The following C12orf56 variants were observed in gnomAD, a reference collection of about 807,000 sequenced individuals.
The protein encoded by C12orf56 is uncharacterized protein C12orf56.
Under a neutral mutation model 69.9 loss-of-function variants are expected in C12orf56, and 71 were observed. The ratio of observed to expected loss-of-function variants is 1.02; its 90% CI spans 0.84 to 1.24. The LOEUF is 1.24. Ranked by LOEUF, C12orf56 falls within the 50% of genes most tolerant of loss-of-function variation. The pLI is 0.00. For synonymous variants in C12orf56, 276 were observed against 274.1 expected (o/e 1.01, Z -0.07); for missense variants, 732 against 738.5 (o/e 0.99, Z 0.10).
At position 64,308,371 on chromosome 12, in the gene C12orf56, A is replaced by T. The variant is rs190978168; in HGVS notation, c.968+4308T>A. 2.0e-5 allele frequency among the ~76,000 whole-genome samples: 3 copies of T among 152,236 alleles called. No homozygotes were observed. In the East Asian group the frequency reaches 5.8e-4, roughly 29 times the overall value. ...CATAAATACATAAATAAAACATAAA[A>T]ATGTTTTCTTAGTTTTGGTTTGTTA... On this transcript the variant is annotated intron_variant, in intron 5 of 12. Coordinates refer to ENST00000543942, the MANE Select transcript of C12orf56 (RefSeq NM_001170633.2).
At chr12:64,316,633 G>GA (rs944201443) in intron 4 of C12orf56, among the ~76,000 whole-genome samples, 32 of 150,988 alleles carry the variant, frequency 2.1e-4, no homozygotes, top group Middle Eastern at 3.4e-3. Context: ...AATGGTCATA[G>GA]AAAAAAAAAT....
intron 2 of C12orf56, among the ~76,000 whole-genome samples, chr12:64,331,295 G>A (rs1457820809): frequency 6.6e-6 from 1 of 152,094 alleles, no homozygotes; most frequent in Non-Finnish European, 1.5e-5. Context: ...GAGCTCACAA[G>A]TTCAAGACGA....
chr12:64,354,631 G>A (rs1189015816), intron 1 of C12orf56, among the ~76,000 whole-genome samples: 2 of 151,596 alleles, frequency 1.3e-5, no homozygotes, highest in Admixed American at 6.6e-5. Flanking sequence ...CTAATTTTTT[G>A]TATTTTTCGT....
intron 4 of C12orf56, among the ~76,000 whole-genome samples, chr12:64,316,547 G>T (rs549219686): frequency 6.6e-6 from 1 of 152,110 alleles, no homozygotes; most frequent in East Asian, 1.9e-4. Context: ...CACCACACCT[G>T]GCTAAGAGAA....
intron 6 of C12orf56, among the ~76,000 whole-genome samples, chr12:64,301,427 A>G (rs886755849): frequency 3.3e-5 from 5 of 152,158 alleles, no homozygotes; most frequent in African/African-American, 1.2e-4. Context: ...GGCAGTCTGA[A>G]GGAACTCCCC....
chr12:64,329,367 C>G (rs1407336899), intron 3 of C12orf56, among the ~76,000 whole-genome samples: 3 of 152,064 alleles, frequency 2.0e-5, no homozygotes, highest in Non-Finnish European at 2.9e-5. Context: ...TTCCATCCGT[C>G]CCTTTTTCTT....
intron 4 of C12orf56, among the ~76,000 whole-genome samples, chr12:64,314,475 G>A (rs1187799091): frequency 6.6e-6 from 1 of 152,162 alleles, no homozygotes; most frequent in Non-Finnish European, 1.5e-5. Flanking sequence ...TATTAATGGA[G>A]TTATTTTTCC....
intron 6 of C12orf56, among the ~76,000 whole-genome samples, 172 bp from the exon 7 acceptor site, chr12:64,286,232 T>C (rs988675624): frequency 6.6e-6 from 1 of 152,228 alleles, no homozygotes; most frequent in African/African-American, 2.4e-5. Context: ...ACTTCTTACT[T>C]ACACCCAAGA....
intron 3 of C12orf56, among the ~76,000 whole-genome samples, chr12:64,326,143 G>C (rs531943843): frequency 1.3e-5 from 2 of 152,148 alleles, no homozygotes; most frequent in Non-Finnish European, 2.9e-5. Flanking sequence ...TGGTAGATGG[G>C]AAATAATCAA....
chr12:64,298,522 T>A (rs2038400149), intron 6 of C12orf56, among the ~76,000 whole-genome samples: 1 of 152,234 alleles, frequency 6.6e-6, no homozygotes, highest in Non-Finnish European at 1.5e-5. Context: ...AGGTCTTATG[T>A]TTAAGTCTTT....
At chr12:64,343,223 G>A (rs377146188) in intron 2 of C12orf56, among the ~76,000 whole-genome samples, 2 of 152,110 alleles carry the variant, frequency 1.3e-5, no homozygotes, top group Non-Finnish European at 2.9e-5. Flanking sequence ...GAGGTAGAAG[G>A]TCCCTGAATT....
At chr12:64,367,337 T>TAA (rs1221952333) in intron 1 of C12orf56, among the ~76,000 whole-genome samples, 1 of 124,556 alleles carries the variant, frequency 8.0e-6, no homozygotes, top group African/African-American at 3.1e-5. Flanking sequence ...AATATACAGT[T>TAA]TATATATTAT....
chr12:64,279,158 A>G (rs2038092417), intron 8 of C12orf56, among the ~76,000 whole-genome samples: 1 of 152,152 alleles, frequency 6.6e-6, no homozygotes, highest in Admixed American at 6.6e-5. Context: ...GGCCTAAAGC[A>G]ATCTGCCCAC....
At chr12:64,383,306 C>CAA (rs138264809) in intron 1 of C12orf56, among the ~76,000 whole-genome samples, 2 of 138,074 alleles carry the variant, frequency 1.4e-5, no homozygotes, top group Non-Finnish European at 3.1e-5. Flanking sequence ...AACAAAGTCT[C>CAA]AAAAAAAAAA....
At chr12:64,331,183 CA>C (rs1422418095) in intron 2 of C12orf56, among the ~76,000 whole-genome samples, 151 bp from the exon 3 acceptor site, 2 of 139,834 alleles carry the variant, frequency 1.4e-5, no homozygotes, top group Admixed American at 7.4e-5. Context: ...CACGATGGAG[CA>C]AAAAGAACTT....
intron 5 of C12orf56, among the ~76,000 whole-genome samples, chr12:64,309,974 C>T (rs1043672147): frequency 1.3e-4 from 20 of 151,680 alleles, no homozygotes; most frequent in Non-Finnish European, 2.4e-4. Flanking sequence ...TAGTTATTTA[C>T]AACATGATCC....
chr12:64,334,547 GTAAA>G (rs1483299988), intron 2 of C12orf56, among the ~76,000 whole-genome samples: 1 of 152,146 alleles, frequency 6.6e-6, no homozygotes, highest in East Asian at 1.9e-4. Flanking sequence ...AAAATGTCAT[GTAAA>G]TAGTTATACT....
chr12:64,345,941 A>G (rs546663455), intron 2 of C12orf56, among the ~76,000 whole-genome samples: 3 of 152,330 alleles, frequency 2.0e-5, no homozygotes, highest in South Asian at 2.1e-4. Flanking sequence ...AGTGCTCTCC[A>G]TACTATTAGA....
chr12:64,298,734 G>T (rs1173968434), intron 6 of C12orf56, among the ~76,000 whole-genome samples: 1 of 152,072 alleles, frequency 6.6e-6, no homozygotes, highest in African/African-American at 2.4e-5. Context: ...TGTTCCATTG[G>T]TCTATATGTC....
Sources: gnomAD v4.1 joint callset for allele counts (sites outside exome capture counted in the v4.1 genomes callset) on GRCh38, gnomAD v4.1.1 for gene constraint, MANE v1.5 for transcripts, NCBI Gene and HGNC (gene_info 2026-07-23, HGNC 2026-07-21) for gene names.